SYNDIG1: variants seen among roughly 807,000 people sequenced by gnomAD.
SYNDIG1 encodes synapse differentiation-inducing gene protein 1.
Under a neutral mutation model 19.4 loss-of-function variants are expected in SYNDIG1, and 9 were observed. That is an observed-to-expected ratio of 0.46 (90% confidence interval 0.28 to 0.81). SYNDIG1 has a LOEUF of 0.81. Among genes scored for constraint, SYNDIG1 ranks in the 30% least tolerant of loss-of-function variants. SYNDIG1 has a pLI of 0.12. For missense variants in SYNDIG1, 311 were observed against 343.3 expected, an observed-to-expected ratio of 0.91 and a Z score of 0.74; for synonymous variants, 141 against 145.9, an observed-to-expected ratio of 0.97 and a Z score of 0.24.
At chr20:24,639,902 T>G (rs2059353506) in intron 3 of SYNDIG1, among the ~76,000 whole-genome samples, 1 of 152,254 alleles carries the variant, frequency 6.6e-6, no homozygotes, top group Non-Finnish European at 1.5e-5. Flanking sequence ...TCTCACCATA[T>G]GGACACAACA....
chr20:24,615,073 G>A (rs1171400863), intron 3 of SYNDIG1, among the ~76,000 whole-genome samples: 3 of 152,246 alleles, frequency 2.0e-5, no homozygotes, highest in African/African-American at 7.2e-5. Flanking sequence ...CAGCCAATTT[G>A]TACATGTTTG....
At chr20:24,637,812 T>C (rs760247510) in intron 3 of SYNDIG1, among the ~76,000 whole-genome samples, 1 of 152,184 alleles carries the variant, frequency 6.6e-6, no homozygotes, top group African/African-American at 2.4e-5. Context: ...AGTTGGCTGG[T>C]GTAGACCACC....
chr20:24,522,534 TA>T (rs2146551688), intron 1 of SYNDIG1, among the ~76,000 whole-genome samples: 2 of 152,284 alleles, frequency 1.3e-5, no homozygotes, highest in South Asian at 4.1e-4. Context: ...CCCAACTTCT[TA>T]GGGATGTATT....
chr20:24,477,836 GC>G (rs2055679479), intron 1 of SYNDIG1, among the ~76,000 whole-genome samples: 1 of 152,186 alleles, frequency 6.6e-6, no homozygotes, highest in Admixed American at 6.5e-5. Context: ...CTGATGGAAA[GC>G]CCAGCATTGG....
chr20:24,519,165 T>C (rs2056951213), intron 1 of SYNDIG1, among the ~76,000 whole-genome samples: 1 of 152,204 alleles, frequency 6.6e-6, no homozygotes, highest in African/African-American at 2.4e-5. Flanking sequence ...GAGCTGTTGC[T>C]CTGTTTCTCA....
intron 3 of SYNDIG1, among the ~76,000 whole-genome samples, chr20:24,664,636 C>A (rs768996839): frequency 6.6e-6 from 1 of 152,172 alleles, no homozygotes; most frequent in African/African-American, 2.4e-5. Flanking sequence ...TTGATTACAC[C>A]AACACCTGGT....
chr20:24,514,134 TG>T (rs1253229262), intron 1 of SYNDIG1, among the ~76,000 whole-genome samples: 3 of 152,082 alleles, frequency 2.0e-5, no homozygotes, highest in Non-Finnish European at 4.4e-5. Context: ...GCACTAAATA[TG>T]GAAAGGAACA....
intron 1 of SYNDIG1, among the ~76,000 whole-genome samples, chr20:24,483,049 A>G (rs1240623748): frequency 6.6e-6 from 1 of 152,258 alleles, no homozygotes. Context: ...ACACATATCT[A>G]TCCTTTGGAA....
chr20:24,640,216 C>G (rs985208140), intron 3 of SYNDIG1, among the ~76,000 whole-genome samples: 9 of 151,850 alleles, frequency 5.9e-5, no homozygotes, highest in Non-Finnish European at 1.5e-5. Flanking sequence ...TGCCTATAAT[C>G]CCAGCTACTC....
At chr20:24,551,029 AAG>A in intron 2 of SYNDIG1, among the ~76,000 whole-genome samples, 1 of 152,254 alleles carries the variant, frequency 6.6e-6, no homozygotes, top group South Asian at 2.1e-4. Flanking sequence ...TGCATAGAAT[AAG>A]TTGGGAATTA....
At chr20:24,572,280 G>A (rs889969287) in intron 2 of SYNDIG1, among the ~76,000 whole-genome samples, 1 of 152,176 alleles carries the variant, frequency 6.6e-6, no homozygotes. Context: ...TTGCAACCTA[G>A]GCAGCCCAGC....
chr20:24,480,723 C>A (rs752274794), intron 1 of SYNDIG1, among the ~76,000 whole-genome samples: 1 of 152,122 alleles, frequency 6.6e-6, no homozygotes, highest in Non-Finnish European at 1.5e-5. Flanking sequence ...TGGAAGCAAG[C>A]CAAGAGTCTA....
intron 3 of SYNDIG1, among the ~76,000 whole-genome samples, chr20:24,596,013 G>T (rs1429053995): frequency 6.6e-6 from 1 of 152,106 alleles, no homozygotes; most frequent in African/African-American, 2.4e-5. Flanking sequence ...GGGTTGGTTT[G>T]CTCTTGTTTC....
At chr20:24,634,500 C>G (rs1568706091) in intron 3 of SYNDIG1, among the ~76,000 whole-genome samples, 1 of 152,188 alleles carries the variant, frequency 6.6e-6, no homozygotes, top group Non-Finnish European at 1.5e-5. Flanking sequence ...TTCCTATTAA[C>G]AAAATGTGAA....
At chr20:24,566,061 G>T (rs1031132346) in intron 2 of SYNDIG1, among the ~76,000 whole-genome samples, 1 of 152,228 alleles carries the variant, frequency 6.6e-6, no homozygotes, top group Non-Finnish European at 1.5e-5. Flanking sequence ...ATTCCTCCCA[G>T]GGAGGAGCAG....
intron 2 of SYNDIG1, among the ~76,000 whole-genome samples, chr20:24,569,115 A>G (rs941554311): frequency 2.0e-5 from 3 of 152,230 alleles, no homozygotes; most frequent in Admixed American, 2.0e-4. Flanking sequence ...ATACGAACTC[A>G]ATAAATCAGT....
At chr20:24,479,401 C>T (rs1408063293) in intron 1 of SYNDIG1, among the ~76,000 whole-genome samples, 1 of 152,162 alleles carries the variant, frequency 6.6e-6, no homozygotes, top group Non-Finnish European at 1.5e-5. Flanking sequence ...CAACTGGCTG[C>T]CCTAGATATT....
intron 3 of SYNDIG1, among the ~76,000 whole-genome samples, chr20:24,640,407 T>G (rs1378992434): frequency 1.8e-5 from 2 of 113,008 alleles, no homozygotes; most frequent in African/African-American, 3.4e-5. Context: ...GAAAAGAAAG[T>G]GAGAGAGGGA....
rs528652928 is a variant in SYNDIG1 at position 24,528,581 on chromosome 20, A to G, written c.-78-14439A>G. 6.8e-4 allele frequency among the ~76,000 whole-genome samples: 103 copies of G among 152,232 alleles called. 1 individual carries two copies. Among genetic ancestry groups the G allele is most frequent in the African/African-American group, 2.4e-3 (100 of 41,550 alleles). On this transcript the variant is annotated intron_variant, in intron 1 of 3. Transcript: ENST00000376862. The stretch of plus-strand genomic sequence containing the variant: ...GAGGGGATGAACACTGTGTGCTCAC[A>G]TGGCAGAAGCTCAAGAAGGGGCTAA...
Sources: allele counts gnomAD v4.1 joint callset (sites outside exome capture counted in the v4.1 genomes callset), GRCh38; gene constraint gnomAD v4.1.1; transcripts MANE v1.5; gene names NCBI Gene and HGNC (gene_info 2026-07-23, HGNC 2026-07-21).